The following CDC6 variants were observed in gnomAD, a reference collection of about 807,000 sequenced individuals.
The protein encoded by CDC6 is DNA replication factor CDC6.
A neutral mutation model predicts 60.2 loss-of-function variants in CDC6; 46 were observed. That is an observed-to-expected ratio of 0.76 (90% CI 0.60 to 0.98). The LOEUF is 0.98. Ranked by LOEUF, CDC6 falls within the 50% of genes least tolerant of loss-of-function variation. CDC6 has a pLI of 0.00. For missense variants in CDC6, 596 were observed against 652.9 expected (o/e 0.91, Z 0.95); for synonymous variants, 210 against 233.2 (o/e 0.90, Z 0.90).
In CDC6 at chr17:40,302,166, ATCTTTGGG is replaced by A; in HGVS notation, c.*170_*177del. 3.1e-6 allele frequency: 2 copies of A among 645,268 alleles called. No homozygotes were observed. Among genetic ancestry groups the A allele is most frequent in the Non-Finnish European group, 5.6e-6 (2 of 358,614 alleles). The allele number at this position is 645,268 out of a possible 1,614,324, so 40.0% of individuals were successfully genotyped here. A position where few individuals can be genotyped will look rare whatever the true frequency, so the allele number is the denominator to read the frequency against. On this transcript the variant is annotated 3_prime_UTR_variant, in exon 12 of 12. Coordinates refer to ENST00000209728, the MANE Select transcript of CDC6 (RefSeq NM_001254.4). ...TTCTTTAATATTAGCACAGAATAAT[ATCTTTGGG>A]TCTTACTATTTTTACCCATAAAAGT... is the stretch of plus-strand genomic sequence containing the variant.
rs1450695819 is a variant in CDC6 at position 40,300,950 on chromosome 17, C to T, written c.1372C>T (p.Pro458Ser). 6.2e-7 allele frequency: 1 copy of T among 1,613,740 alleles called. No homozygotes were observed. The highest frequency in any genetic ancestry group is 1.7e-5 in the Admixed American group (1 of 60,014). ...CCAAGAAGGAGCACAAGATTCCTTC[C>T]CTCTTCAGCAGAAGATCTTGGTTTG... The part of the protein sequence containing the change: ...LSQEGAQDSF[P>S]LQQKILVCSL... The change falls in exon 10 of 12, where the codon CCT (proline) becomes TCT (serine). Residue 458 changes from proline (P) to serine (S), a missense_variant. Physicochemically the swap from Pro to Ser is moderately conservative, Grantham distance 74. Transcript: ENST00000209728.
chr17:40,294,111 A>G (rs1156605158), intron 6 of CDC6, 55 bp downstream of exon 6: 10 of 1,331,070 alleles, frequency 7.5e-6, no homozygotes, highest in Non-Finnish European at 8.7e-6. Context: ...TTTTAAGAAT[A>G]TATATTCAGC....
At chr17:40,296,840 G>T in intron 9 of CDC6, 73 bp downstream of exon 9, 1 of 1,000,670 alleles carries the variant, frequency 1.0e-6, no homozygotes. Context: ...GAGGTAGAAA[G>T]ATGAAATGAA....
At position 40,293,638 on chromosome 17, in the gene CDC6, A is replaced by G. The variant is rs2032808057; in HGVS notation, c.836+7A>G. ...CAGAGAAGGGCCCCATGATGTAAGT[A>G]TTGTTCTGCTTCATGTTGCTCTGTG... On this transcript the variant is annotated splice_region_variant and intron_variant, in intron 5 of 11. Transcript: ENST00000209728. 6.2e-7 allele frequency: 1 copy of G among 1,603,674 alleles called. No individual in the cohort carries two copies.
chr17:40,301,204 G>A (rs1374387050), intron 10 of CDC6, among the ~76,000 whole-genome samples, 174 bp downstream of exon 10: 1 of 152,170 alleles, frequency 6.6e-6, no homozygotes, highest in Non-Finnish European at 1.5e-5. Context: ...TTGGATTGTG[G>A]TTGAGAGTTT....
intron 4 of CDC6, among the ~76,000 whole-genome samples, 185 bp downstream of exon 4, chr17:40,291,853 CT>C (rs1198500218): frequency 6.6e-6 from 1 of 152,196 alleles, no homozygotes; most frequent in Non-Finnish European, 1.5e-5. Context: ...TCACGCCATT[CT>C]CCTGCCTCAG....
chr17:40,297,409 A>G (rs979001621), intron 9 of CDC6, among the ~76,000 whole-genome samples: 6 of 152,182 alleles, frequency 3.9e-5, no homozygotes, highest in Non-Finnish European at 7.4e-5. Context: ...GTTCTCACTC[A>G]TAAGTGGGAG....
At chr17:40,299,302 C>T (rs2032905096) in intron 9 of CDC6, among the ~76,000 whole-genome samples, 1 of 151,708 alleles carries the variant, frequency 6.6e-6, no homozygotes, top group Non-Finnish European at 1.5e-5. Context: ...CACACACCAC[C>T]ACACCCGGCT....
chr17:40,304,642 G>C lies in CDC6; in HGVS notation c.*2641G>C, dbSNP rs2032977669. On this transcript the variant is annotated 3_prime_UTR_variant, in exon 12 of 12. Coordinates refer to ENST00000209728, the MANE Select transcript of CDC6 (RefSeq NM_001254.4). ...GGAAAGAGCATAGACAAAATAAATT[G>C]TGTGTTTCAACCCCAGAGCTGCCAC... 6.6e-6 allele frequency: 1 copy of C among 152,254 alleles called. No individual in the cohort carries two copies. Among genetic ancestry groups the C allele is most frequent in the Non-Finnish European group, 1.5e-5 (1 of 68,066 alleles). The allele number at this position is 152,254 out of a possible 1,614,324, so 9.4% of individuals were successfully genotyped here. A position where few individuals can be genotyped will look rare whatever the true frequency, so the allele number is the denominator to read the frequency against.
At chr17:40,294,096 G>A (rs911554895) in intron 6 of CDC6, 40 bp downstream of exon 6, 4 of 1,420,600 alleles carry the variant, frequency 2.8e-6, no homozygotes, top group African/African-American at 2.8e-5. Flanking sequence ...TGGTTCTAAA[G>A]TATTTTTTAA....
At chr17:40,288,613 C>G (rs2032698527) in intron 1 of CDC6, among the ~76,000 whole-genome samples, 2 of 136,868 alleles carry the variant, frequency 1.5e-5, no homozygotes, top group Admixed American at 1.5e-4. Flanking sequence ...GAGACGGAGT[C>G]TCGCTCGGTC....
rs1282974287 is a variant in CDC6, at chr17:40,295,351, T to C, written c.1084-5T>C. 1 of 1,586,288 alleles carries C rather than the reference T, an allele frequency of 6.3e-7. No individual in the cohort carries two copies. Among genetic ancestry groups the C allele is most frequent in the Non-Finnish European group, 8.7e-7 (1 of 1,154,708 alleles). On this transcript the variant is annotated splice_polypyrimidine_tract_variant and splice_region_variant and intron_variant, in intron 7 of 11. Coordinates refer to ENST00000209728, the MANE Select transcript of CDC6 (RefSeq NM_001254.4). Reference sequence around the variant, plus strand: ...AAACTGTCATCTTCTATGTCTTGTCTGAAGGTATCTAGAGATCAGGTTCTG... The same window carrying C: ...AAACTGTCATCTTCTATGTCTTGTCCGAAGGTATCTAGAGATCAGGTTCTG...
intron 4 of CDC6, among the ~76,000 whole-genome samples, chr17:40,292,193 C>T (rs1489181074): frequency 6.6e-6 from 1 of 152,130 alleles, no homozygotes; most frequent in African/African-American, 2.4e-5. Flanking sequence ...CTCACCACTA[C>T]ACCCAGCTAA....
chr17:40,297,742 C>T (rs2032878031), intron 9 of CDC6, among the ~76,000 whole-genome samples: 1 of 152,118 alleles, frequency 6.6e-6, no homozygotes, highest in Non-Finnish European at 1.5e-5. Context: ...CACTGCCAGC[C>T]TGGGCAACAG....
intron 9 of CDC6, 116 bp from the exon 10 acceptor site, chr17:40,300,712 C>T (rs1310530008): frequency 3.6e-6 from 3 of 836,592 alleles, no homozygotes; most frequent in African/African-American, 3.3e-5. Flanking sequence ...TGCTTTGCCA[C>T]CATGTGACTA....
Position 40,301,045 on chromosome 17 carries a change from AG to A in CDC6, c.1452+16del. The A allele has an allele frequency of 1.3e-6, 2 of 1,575,392 alleles. No individual in the cohort carries two copies. Among genetic ancestry groups the A allele is most frequent in the Non-Finnish European group, 1.7e-6 (2 of 1,145,356 alleles). ...CTCTGGGGAAGGTAAGTTGGGATGG[AG>A]CAGATGGAACGGAGGTAGAGATCAG... On this transcript the variant is annotated intron_variant, in intron 10 of 11. Coordinates refer to ENST00000209728, the MANE Select transcript of CDC6 (RefSeq NM_001254.4).
chr17:40,297,124 A>T lies in CDC6; in HGVS notation c.1249+357A>T, dbSNP rs574392357. Among the ~76,000 whole-genome samples, 3 of 152,178 alleles carry T rather than the reference A, an allele frequency of 2.0e-5. No homozygotes were observed. In the South Asian group the frequency reaches 6.2e-4, roughly 32 times the overall value. On this transcript the variant is annotated intron_variant, in intron 9 of 11. Coordinates refer to ENST00000209728, the MANE Select transcript of CDC6 (RefSeq NM_001254.4). Reference sequence around the variant, plus strand: ...ATATAGGTGAAAGCAAAGCCTGATAAATAAGGGAGAATTGGGTAAAAGAAT... The same window carrying T: ...ATATAGGTGAAAGCAAAGCCTGATATATAAGGGAGAATTGGGTAAAAGAAT...
In CDC6 at chr17:40,301,491, CTG is replaced by C; in HGVS notation, c.1478_1479del (p.Cys493SerfsTer44). ...AGTTATATGAAGCCTACAGTAAAGT[CTG>C]TCGCAAACAGCAGGTGGCGGCTGTG... ...GKLYEAYSKV[C>X]RKQQVAAVDQ... is the part of the protein sequence containing the mutation. On this transcript the variant is annotated frameshift_variant, in exon 11 of 12. Coordinates refer to ENST00000209728, the MANE Select transcript of CDC6 (RefSeq NM_001254.4). LOFTEE classifies it high-confidence loss of function. 6.2e-7 allele frequency: 1 copy of C among 1,614,080 alleles called. No homozygotes were observed. Among genetic ancestry groups the C allele is most frequent in the Admixed American group, 1.7e-5 (1 of 60,022 alleles).
chr17:40,290,932 G>T, intron 2 of CDC6, 126 bp from the exon 3 acceptor site: 3 of 930,686 alleles, frequency 3.2e-6, no homozygotes, highest in Non-Finnish European at 3.5e-6. Context: ...AAGTGAGAAG[G>T]CATTTTATTT....
Sources: gnomAD v4.1 joint callset for allele counts (sites outside exome capture counted in the v4.1 genomes callset) on GRCh38, gnomAD v4.1.1 for gene constraint, MANE v1.5 for transcripts, NCBI Gene and HGNC (gene_info 2026-07-23, HGNC 2026-07-21) for gene names.